Variants in MAPKAP1 observed in about 807,000 individuals in gnomAD.
The protein encoded by MAPKAP1 is MAPK associated protein 1.
In MAPKAP1, 20 loss-of-function variants were observed where a neutral mutation model predicts 65.7. The ratio of observed to expected loss-of-function variants is 0.30; its 90% confidence interval spans 0.21 to 0.44. MAPKAP1 has a LOEUF of 0.44. Ranked by LOEUF, MAPKAP1 falls within the 20% of genes least tolerant of loss-of-function variation. MAPKAP1 has a pLI of 1.00. For synonymous variants in MAPKAP1, 222 were observed against 244.3 expected (o/e 0.91, Z 0.85); for missense variants, 423 against 648.0 (o/e 0.65, Z 3.77).
chr9:125,443,692 G>GCCAGCCCCGCCAGCCCCCCCAGCCCCC, intron 11 of MAPKAP1, among the ~76,000 whole-genome samples: 1 of 68,952 alleles, frequency 1.5e-5, no homozygotes, highest in African/African-American at 5.9e-5. Context: ...CGCCAGCCCC[G>GCCAGCCCCGCCAGCCCCCCCAGCCCCC]CCAGCTCCCC....
At position 125,707,118 on chromosome 9, in the gene MAPKAP1, C is replaced by T. The variant is rs770234791; in HGVS notation, c.-217G>A. 37 of 398,216 alleles carry T rather than the reference C, an allele frequency of 9.3e-5. No individual in the cohort carries two copies. The highest frequency in any genetic ancestry group is 1.5e-4 in the Non-Finnish European group (34 of 225,856). 24.7% of individuals were successfully genotyped at this position (398,216 alleles called of 1,614,324 possible). A position where few individuals can be genotyped will look rare whatever the true frequency, so the allele number is the denominator to read the frequency against. On this transcript the variant is annotated 5_prime_UTR_variant, in exon 1 of 12. Coordinates refer to ENST00000265960, the MANE Select transcript of MAPKAP1 (RefSeq NM_001006617.3). ...CCGGCGCTCCTCCCGGCCCGCTCAG[C>T]TGCCGCTTCCCGGGTTAGCCCTCAT...
At chr9:125,490,289 C>T (rs1272651789) in intron 8 of MAPKAP1, among the ~76,000 whole-genome samples, 3 of 152,210 alleles carry the variant, frequency 2.0e-5, no homozygotes, top group African/African-American at 7.2e-5. Context: ...CCTGTAATCC[C>T]ACCATTTTGG....
chr9:125,692,174 A>G (rs996877793), intron 1 of MAPKAP1, among the ~76,000 whole-genome samples: 15 of 152,262 alleles, frequency 9.9e-5, no homozygotes, highest in Non-Finnish European at 1.5e-5. Context: ...AATATACCCA[A>G]GAGAACTAAA....
intron 2 of MAPKAP1, among the ~76,000 whole-genome samples, chr9:125,670,222 G>A (rs868232517): frequency 6.6e-6 from 1 of 151,806 alleles, no homozygotes; most frequent in Non-Finnish European, 1.5e-5. Context: ...CATTAATAAC[G>A]GTCTTAAAGG....
chr9:125,668,212 T>C (rs1834395950), intron 3 of MAPKAP1, among the ~76,000 whole-genome samples: 1 of 152,216 alleles, frequency 6.6e-6, no homozygotes, highest in Non-Finnish European at 1.5e-5. Context: ...GGCCTTTATA[T>C]GCAGGCAGAG....
intron 5 of MAPKAP1, among the ~76,000 whole-genome samples, chr9:125,577,506 C>T (rs542521466): frequency 1.4e-3 from 211 of 146,014 alleles, no homozygotes; most frequent in African/African-American, 5.1e-3. Context: ...CAGGCCACCC[C>T]TACTGGGAAG....
At chr9:125,490,110 CT>C (rs1397660461) in intron 8 of MAPKAP1, among the ~76,000 whole-genome samples, 2 of 152,226 alleles carry the variant, frequency 1.3e-5, no homozygotes. Flanking sequence ...AAAGTGCACA[CT>C]GGGTCCTATG....
chr9:125,490,453 C>T (rs907246112), intron 8 of MAPKAP1, among the ~76,000 whole-genome samples: 5 of 152,190 alleles, frequency 3.3e-5, no homozygotes, highest in South Asian at 4.2e-4. Context: ...GCAGGAAAAT[C>T]GCTTACACCC....
chr9:125,483,225 A>G (rs1306715036), intron 9 of MAPKAP1, among the ~76,000 whole-genome samples: 1 of 152,210 alleles, frequency 6.6e-6, no homozygotes, highest in African/African-American at 2.4e-5. Context: ...CAAGCAGGAT[A>G]GAATTGAGGC....
At chr9:125,552,699 TTAATAATC>T (rs1269910029) in intron 6 of MAPKAP1, among the ~76,000 whole-genome samples, 2 of 152,134 alleles carry the variant, frequency 1.3e-5, no homozygotes, top group African/African-American at 4.8e-5. Flanking sequence ...TCAGCTAATA[TTAATAATC>T]ACAGCAGCAT....
At chr9:125,524,326 T>C (rs1235283437) in intron 7 of MAPKAP1, among the ~76,000 whole-genome samples, 1 of 152,240 alleles carries the variant, frequency 6.6e-6, no homozygotes, top group African/African-American at 2.4e-5. Context: ...ATGATGATAA[T>C]TTCTAACTCA....
chr9:125,520,476 C>A (rs1339092311), intron 7 of MAPKAP1, among the ~76,000 whole-genome samples: 2 of 152,184 alleles, frequency 1.3e-5, no homozygotes, highest in African/African-American at 4.8e-5. Context: ...TTTGCTCATA[C>A]TAGTCCCTCA....
rs189521959 is a variant in MAPKAP1 at position 125,614,582 on chromosome 9, G to A, written c.499-28855C>T. On this transcript the variant is annotated intron_variant, in intron 4 of 11. Transcript: ENST00000265960. ...GGAGGTTGCAGTGAGCCAAGATCGC[G>A]CCATTGCACTCCAGCTTTGAGCAAC... Among the ~76,000 whole-genome samples the A allele has an allele frequency of 1.2e-4, 18 of 152,218 alleles. No homozygotes were observed. In the East Asian group the frequency reaches 3.3e-3, roughly 28 times the overall value.
intron 2 of MAPKAP1, 103 bp from the exon 3 acceptor site, chr9:125,670,010 T>A: frequency 1.6e-6 from 1 of 626,030 alleles, no homozygotes; most frequent in Non-Finnish European, 2.7e-6. Flanking sequence ...TTATATTGCA[T>A]ATGTAGAGAA....
chr9:125,561,322 A>T (rs1230227471), intron 5 of MAPKAP1, among the ~76,000 whole-genome samples: 3 of 152,242 alleles, frequency 2.0e-5, no homozygotes, highest in African/African-American at 7.2e-5. Context: ...CAGGCGATCT[A>T]TACTCAGTGA....
intron 4 of MAPKAP1, among the ~76,000 whole-genome samples, chr9:125,591,266 C>T (rs867631059): frequency 9.9e-5 from 15 of 152,194 alleles, no homozygotes; most frequent in African/African-American, 3.4e-4. Flanking sequence ...CTCTTCAAGG[C>T]TTGAAAATCG....
chr9:125,653,365 G>C (rs1341919055), intron 4 of MAPKAP1, among the ~76,000 whole-genome samples: 1 of 152,204 alleles, frequency 6.6e-6, no homozygotes, highest in East Asian at 1.9e-4. Flanking sequence ...ACGAAAAGTG[G>C]AAAGTCATGT....
rs757038109 is a variant in MAPKAP1, at chr9:125,672,482, G to C, written c.93C>G (p.Leu31=). 1 of 1,614,164 alleles carries C rather than the reference G, an allele frequency of 6.2e-7. No homozygotes were observed. The highest frequency in any genetic ancestry group is 1.7e-5 in the Admixed American group (1 of 60,016). The part of the protein sequence containing the change: ...SDDTGMCEMV[L]IDHDVDLEKI... ...TCTCTAGGTCAACATCATGATCAAT[G>C]AGAACCATCTCACACATTCCCGTGT... is the stretch of plus-strand genomic sequence containing the variant. Residue 31 remains leucine (L), a synonymous_variant, in exon 2 of 12, where the codon CTC becomes CTG. Transcript: ENST00000265960.
At chr9:125,485,656 A>T (rs1023466202) in intron 8 of MAPKAP1, among the ~76,000 whole-genome samples, 1 of 152,134 alleles carries the variant, frequency 6.6e-6, no homozygotes, top group African/African-American at 2.4e-5. Context: ...ATCCTCACCC[A>T]GACCTGTTGA....
Sources: gnomAD v4.1 joint callset for allele counts (sites outside exome capture counted in the v4.1 genomes callset) on GRCh38, gnomAD v4.1.1 for gene constraint, MANE v1.5 for transcripts, NCBI Gene and HGNC (gene_info 2026-07-23, HGNC 2026-07-21) for gene names.